Variants in MYO1H observed in about 807,000 individuals in gnomAD.
MYO1H encodes unconventional myosin-Ih.
A neutral mutation model predicts 149.3 loss-of-function variants in MYO1H; 118 were observed. That is an observed-to-expected ratio of 0.79 (90% CI 0.68 to 0.92). The LOEUF is 0.92. Ranked by LOEUF, MYO1H falls within the 40% of genes least tolerant of loss-of-function variation. The pLI is 0.00. For missense variants in MYO1H, 1,212 were observed against 1,280.7 expected (o/e 0.95, Z 0.82); for synonymous variants, 447 against 465.2 (o/e 0.96, Z 0.50).
chr12:109,368,640 TAAAAAAAAA>T (rs56146617), intron 1 of MYO1H, among the ~76,000 whole-genome samples: 6 of 113,212 alleles, frequency 5.3e-5, no homozygotes, highest in African/African-American at 1.9e-4. Flanking sequence ...GACTCCATCT[TAAAAAAAAA>T]AAAAAAAAAA....
At chr12:109,320,623 C>CAAAAAAAA in the MYO1H span, among the ~76,000 whole-genome samples, 1 of 92,834 alleles carries the variant, frequency 1.1e-5, no homozygotes, top group Non-Finnish European at 2.1e-5. Context: ...GAATCTGTCT[C>CAAAAAAAA]AAAAAAAAAA....
chr12:109,321,348 G>A, the MYO1H span, among the ~76,000 whole-genome samples: 2 of 152,076 alleles, frequency 1.3e-5, no homozygotes, highest in African/African-American at 4.8e-5. Context: ...TCAGGAGTTC[G>A]AGACCAGCCT....
intron 16 of MYO1H, among the ~76,000 whole-genome samples, chr12:109,421,757 G>A (rs1406537692): frequency 1.3e-5 from 2 of 152,102 alleles, no homozygotes; most frequent in Non-Finnish European, 1.5e-5. Flanking sequence ...TAGCCCCCAG[G>A]GCTGCCGACG....
At chr12:109,365,235 C>T (rs1406824964) in intron 1 of MYO1H, among the ~76,000 whole-genome samples, 2 of 152,086 alleles carry the variant, frequency 1.3e-5, no homozygotes, top group African/African-American at 4.8e-5. Flanking sequence ...AAGATTGTGC[C>T]ACTACACTCC....
intron 2 of MYO1H, among the ~76,000 whole-genome samples, chr12:109,392,435 C>T (rs936911344): frequency 1.3e-5 from 2 of 152,134 alleles, no homozygotes; most frequent in African/African-American, 4.8e-5. Context: ...TTAAAGAAGT[C>T]TTCCCGGCCA....
chr12:109,419,605 G>A (rs1871083612), intron 15 of MYO1H, among the ~76,000 whole-genome samples: 1 of 151,990 alleles, frequency 6.6e-6, no homozygotes, highest in African/African-American at 2.4e-5. Context: ...CTGGAGTACA[G>A]TGCGCAATCG....
In MYO1H at chr12:109,436,639, C is replaced by T; in HGVS notation, c.2209+83C>T. Reference sequence around the variant, plus strand: ...GGGGCACATTTGTGAGTTCTCTCCCCCTGCTCATCCTTAAAACCTTGTGTG... The same window carrying T: ...GGGGCACATTTGTGAGTTCTCTCCCTCTGCTCATCCTTAAAACCTTGTGTG... On this transcript the variant is annotated intron_variant, in intron 22 of 31. Coordinates refer to ENST00000310903, the Ensembl canonical transcript of MYO1H. 4.5e-6 allele frequency: 4 copies of T among 888,272 alleles called. No individual in the cohort carries two copies. In the South Asian group the frequency reaches 5.9e-5, roughly 13 times the overall value. 55.0% of individuals were successfully genotyped at this position (888,272 alleles called of 1,614,324 possible).
At chr12:109,320,447 TAAAAATACA>T in the MYO1H span, among the ~76,000 whole-genome samples, 1 of 22,062 alleles carries the variant, frequency 4.5e-5, no homozygotes, top group South Asian at 9.4e-4. Flanking sequence ...CCATCTCTAT[TAAAAATACA>T]AAAAAAAAAA....
At chr12:109,390,529 A>G (rs963343621) in intron 2 of MYO1H, among the ~76,000 whole-genome samples, 2 of 152,144 alleles carry the variant, frequency 1.3e-5, no homozygotes, top group East Asian at 3.9e-4. Flanking sequence ...TATTATAAAT[A>G]TAAGTAAGTA....
At chr12:109,426,761 G>A (rs1267412401) in intron 18 of MYO1H, among the ~76,000 whole-genome samples, 2 of 152,108 alleles carry the variant, frequency 1.3e-5, no homozygotes, top group African/African-American at 4.8e-5. Context: ...CCATTATAAT[G>A]AACTATAATG....
At chr12:109,421,227 G>C (rs1448924251) in intron 16 of MYO1H, among the ~76,000 whole-genome samples, 200 bp downstream of exon 16, 3 of 151,698 alleles carry the variant, frequency 2.0e-5, no homozygotes, top group African/African-American at 7.3e-5. Context: ...TGTGTATGAT[G>C]CCCCCTGGGC....
chr12:109,425,002 C>T (rs1223004135), intron 17 of MYO1H, among the ~76,000 whole-genome samples, 174 bp downstream of exon 17: 2 of 151,894 alleles, frequency 1.3e-5, no homozygotes, highest in African/African-American at 4.8e-5. Flanking sequence ...ACTTTGGGAG[C>T]CTCACATCTG....
chr12:109,391,003 A>T lies in MYO1H; in HGVS notation c.174+2159A>T, dbSNP rs541622389. Among the ~76,000 whole-genome samples the T allele has an allele frequency of 1.5e-4, 23 of 152,226 alleles. 1 individual carries two copies. In the South Asian group the frequency reaches 2.7e-3, roughly 18 times the overall value. ...GCCAGAGAGACCTTTAAGAACCATA[A>T]ATCAGGTTTACGTGCTCCCCTCTTA... On this transcript the variant is annotated intron_variant, in intron 2 of 31. Coordinates refer to ENST00000310903, the Ensembl canonical transcript of MYO1H.
chr12:109,312,765 TTTTG>T, the MYO1H span, among the ~76,000 whole-genome samples: 1 of 142,632 alleles, frequency 7.0e-6, no homozygotes, highest in Non-Finnish European at 1.5e-5. Flanking sequence ...CCAAGGTTTT[TTTTG>T]TTTGTTTTTT....
chr12:109,426,835 G>A (rs1871367935), intron 18 of MYO1H, among the ~76,000 whole-genome samples: 1 of 152,144 alleles, frequency 6.6e-6, no homozygotes, highest in African/African-American at 2.4e-5. Context: ...CAGGTTGAAA[G>A]GCAATAGGCA....
chr12:109,398,976 G>C (rs1387901280), intron 5 of MYO1H, among the ~76,000 whole-genome samples: 1 of 151,960 alleles, frequency 6.6e-6, no homozygotes, highest in East Asian at 1.9e-4. Flanking sequence ...CACAGAAGTG[G>C]GGCTAAGGCA....
the MYO1H span, among the ~76,000 whole-genome samples, chr12:109,318,972 G>GTTTTTTTTT: frequency 2.8e-3 from 216 of 77,206 alleles, 8 homozygotes; most frequent in East Asian, 0.015. Flanking sequence ...TTTTGGTTTT[G>GTTTTTTTTT]TTTTTTTTTT....
intron 5 of MYO1H, among the ~76,000 whole-genome samples, chr12:109,398,591 A>T (rs180738966): frequency 0.033 from 5,021 of 151,776 alleles, 117 homozygotes; most frequent in Middle Eastern, 0.065. Flanking sequence ...AAAAAAAAAA[A>T]TACAAAAAAT....
At chr12:109,417,309 C>A (rs188136249) in intron 15 of MYO1H, among the ~76,000 whole-genome samples, 1 of 152,302 alleles carries the variant, frequency 6.6e-6, no homozygotes, top group Admixed American at 6.5e-5. Context: ...CTCAGCCACA[C>A]TTGCGTTATA....
Sources: allele counts gnomAD v4.1 joint callset (sites outside exome capture counted in the v4.1 genomes callset), GRCh38; gene constraint gnomAD v4.1.1; transcripts MANE v1.5; gene names NCBI Gene and HGNC (gene_info 2026-07-23, HGNC 2026-07-21).